EVI5: variants seen among roughly 807,000 people sequenced by gnomAD.
EVI5 encodes the protein ecotropic viral integration site 5.
EVI5 carries 73 observed loss-of-function variants against 112.0 expected under a neutral mutation model. That is an observed-to-expected ratio of 0.65 (90% CI 0.54 to 0.79). The LOEUF is 0.79. Ranked by LOEUF, EVI5 falls within the 30% of genes least tolerant of loss-of-function variation. EVI5 has a pLI of 0.00. For synonymous variants in EVI5, 305 were observed against 319.9 expected, an observed-to-expected ratio of 0.95 and a Z score of 0.50; for missense variants, 900 against 968.8, an observed-to-expected ratio of 0.93 and a Z score of 0.94.
intron 2 of EVI5, among the ~76,000 whole-genome samples, chr1:92,722,096 T>C (rs1674843683): frequency 6.6e-6 from 1 of 152,172 alleles, no homozygotes; most frequent in Non-Finnish European, 1.5e-5. Flanking sequence ...ATTGTATATA[T>C]TTATCATGTA....
At chr1:92,706,194 A>T (rs768044926) in intron 2 of EVI5, among the ~76,000 whole-genome samples, 44 of 152,136 alleles carry the variant, frequency 2.9e-4, no homozygotes, top group Non-Finnish European at 1.2e-4. Context: ...ATTATAAATA[A>T]TTTTACTTGA....
At chr1:92,550,707 A>G (rs1161585234) in intron 19 of EVI5, among the ~76,000 whole-genome samples, 1 of 118,234 alleles carries the variant, frequency 8.5e-6, no homozygotes, top group African/African-American at 3.3e-5. Flanking sequence ...ACATCTGGCC[A>G]CTGCACTCCA....
At chr1:92,730,522 A>T (rs532001611) in intron 2 of EVI5, among the ~76,000 whole-genome samples, 50 of 147,546 alleles carry the variant, frequency 3.4e-4, no homozygotes, top group African/African-American at 4.7e-4. Flanking sequence ...CAAAAATATT[A>T]AAAAAAAAAA....
chr1:92,768,105 T>C (rs1416920442), intron 1 of EVI5, among the ~76,000 whole-genome samples: 1 of 145,918 alleles, frequency 6.9e-6, no homozygotes, highest in Non-Finnish European at 1.5e-5. Flanking sequence ...AGAACTCATA[T>C]AAGCAAATTT....
intron 2 of EVI5, among the ~76,000 whole-genome samples, chr1:92,722,465 CT>C (rs1674910878): frequency 7.8e-6 from 1 of 127,724 alleles, no homozygotes; most frequent in Non-Finnish European, 1.6e-5. Context: ...TCCTTCCCCC[CT>C]CCCCCCACCC....
chr1:92,611,021 G>A (rs1371374332), intron 16 of EVI5, among the ~76,000 whole-genome samples: 3 of 151,082 alleles, frequency 2.0e-5, no homozygotes, highest in South Asian at 2.1e-4. Context: ...TGGGTGCAGC[G>A]CACCAGCATG....
rs1199743587 is a variant in EVI5 at position 92,634,147 on chromosome 1, C to A, written c.1527+2055G>T. On this transcript the variant is annotated intron_variant, in intron 14 of 19. Transcript: ENST00000684568. ...TTCATTTCAACTTTGGTGAATCTGA[C>A]AATTATGTGTCTTGGAGTTGCTCTT... 5.3e-5 allele frequency among the ~76,000 whole-genome samples: 8 copies of A among 152,120 alleles called. No homozygotes were observed. The East Asian group carries it at 1.5e-3, about 29-fold the overall frequency.
chr1:92,537,843 T>G (rs981151551), intron 19 of EVI5, among the ~76,000 whole-genome samples: 1 of 151,384 alleles, frequency 6.6e-6, no homozygotes, highest in Non-Finnish European at 1.5e-5. Context: ...AGGTACATAA[T>G]GCTGAAAATG....
chr1:92,640,095 G>C (rs963743233), intron 13 of EVI5, among the ~76,000 whole-genome samples: 2 of 152,100 alleles, frequency 1.3e-5, no homozygotes, highest in Non-Finnish European at 2.9e-5. Context: ...TTCCTCACAT[G>C]TTATACAAAA....
intron 9 of EVI5, among the ~76,000 whole-genome samples, chr1:92,683,215 T>C (rs936525050): frequency 6.6e-6 from 1 of 152,164 alleles, no homozygotes; most frequent in Admixed American, 6.5e-5. Context: ...TGAATTCTAA[T>C]TCAGAACACC....
chr1:92,650,900 T>C (rs538967096), intron 13 of EVI5, among the ~76,000 whole-genome samples: 1 of 152,356 alleles, frequency 6.6e-6, no homozygotes, highest in South Asian at 2.1e-4. Context: ...GGAATGTTTC[T>C]TCCCAGATCT....
chr1:92,522,446 G>A (rs1661092232), intron 19 of EVI5, among the ~76,000 whole-genome samples: 2 of 151,914 alleles, frequency 1.3e-5, no homozygotes, highest in Admixed American at 6.6e-5. Flanking sequence ...GACCAGCCTG[G>A]CCAACATGGT....
chr1:92,762,920 C>T (rs1221752598), intron 1 of EVI5, among the ~76,000 whole-genome samples: 2 of 152,070 alleles, frequency 1.3e-5, no homozygotes, highest in African/African-American at 4.8e-5. Flanking sequence ...CTCACCACTA[C>T]ACAATATAAC....
At position 92,648,781 on chromosome 1, in the gene EVI5, G is replaced by T. The variant is rs533035199; in HGVS notation, c.1393-12445C>A. On this transcript the variant is annotated intron_variant, in intron 13 of 19. Transcript: ENST00000684568. ...CAATTTGTTAATCCATTCACCCACT[G>T]AAGGATTTTTGGGTTGTGTCCACTT... Among the ~76,000 whole-genome samples the T allele has an allele frequency of 3.3e-5, 5 of 152,262 alleles. No homozygotes were observed. In the East Asian group the frequency reaches 9.7e-4, roughly 29 times the overall value.
In EVI5 at chr1:92,666,000, GAA is replaced by G. The variant is rs375553110; in HGVS notation, c.1159-10_1159-9del. The G allele has an allele frequency of 3.9e-6, 6 of 1,524,142 alleles. No individual in the cohort carries two copies. The highest frequency in any genetic ancestry group is 4.9e-5 in the East Asian group (2 of 40,968). 94.4% of individuals were successfully genotyped at this position (1,524,142 alleles called of 1,614,324 possible). A position where few individuals can be genotyped will look rare whatever the true frequency, so the allele number is the denominator to read the frequency against. On this transcript the variant is annotated splice_polypyrimidine_tract_variant and intron_variant, in intron 10 of 19. Transcript: ENST00000684568. ...ATTTTCTGTGCGTAACCTCTGCCAA[GAA>G]AAAAAAAGTTTTATTTGCAAGCATT...
intron 2 of EVI5, among the ~76,000 whole-genome samples, chr1:92,728,468 A>G (rs1675957988): frequency 6.6e-6 from 1 of 151,824 alleles, no homozygotes. Flanking sequence ...GCTCACTGCA[A>G]TCTCTGTCTC....
intron 19 of EVI5, among the ~76,000 whole-genome samples, chr1:92,545,875 C>T (rs577797756): frequency 3.9e-5 from 6 of 152,012 alleles, no homozygotes; most frequent in African/African-American, 1.2e-4. Context: ...GACTCCAAGC[C>T]TCTGCATATA....
chr1:92,705,627 T>A (rs897587784), intron 2 of EVI5, among the ~76,000 whole-genome samples: 7 of 152,188 alleles, frequency 4.6e-5, no homozygotes, highest in African/African-American at 2.4e-5. Context: ...CTCCTCCTTA[T>A]CTGTTGAAAG....
chr1:92,542,728 T>C (rs1013329517), intron 19 of EVI5, among the ~76,000 whole-genome samples: 1 of 152,194 alleles, frequency 6.6e-6, no homozygotes, highest in African/African-American at 2.4e-5. Flanking sequence ...AAATTACTCC[T>C]TGATCCACGG....
Sources: allele counts gnomAD v4.1 joint callset (sites outside exome capture counted in the v4.1 genomes callset), GRCh38; gene constraint gnomAD v4.1.1; transcripts MANE v1.5; gene names NCBI Gene and HGNC (gene_info 2026-07-23, HGNC 2026-07-21).